THSD4: variants seen among roughly 807,000 people sequenced by gnomAD.
THSD4 encodes thrombospondin type-1 domain-containing protein 4.
In THSD4, 69 loss-of-function variants were observed where a neutral mutation model predicts 119.0. The observed-to-expected ratio is 0.58, with a 90% CI of 0.48 to 0.71. The LOEUF (loss-of-function observed/expected upper bound fraction) is 0.71. THSD4 is among the 30% of genes least tolerant of loss of function. The probability of loss-of-function intolerance (pLI) is 0.00; values close to 1 mark genes in which losing one functional copy is unlikely to be tolerated. For missense variants in THSD4, 1,393 were observed against 1,391.1 expected, an observed-to-expected ratio of 1.00 and a Z score of -0.02; for synonymous variants, 524 against 540.4, an observed-to-expected ratio of 0.97 and a Z score of 0.42.
At chr15:71,653,712 T>C (rs748485310) in intron 7 of THSD4, among the ~76,000 whole-genome samples, 1 of 152,248 alleles carries the variant, frequency 6.6e-6, no homozygotes, top group African/African-American at 2.4e-5. Flanking sequence ...TCATTTTGCA[T>C]AGTGGAGCTT....
At chr15:71,356,606 G>C (rs574597260) in intron 6 of THSD4, among the ~76,000 whole-genome samples, 3 of 152,108 alleles carry the variant, frequency 2.0e-5, no homozygotes, top group Admixed American at 6.5e-5. Flanking sequence ...GAAAGAGAAA[G>C]AGAGAGTGAA....
intron 7 of THSD4, among the ~76,000 whole-genome samples, chr15:71,529,974 T>C (rs567572177): frequency 6.6e-6 from 1 of 152,306 alleles, no homozygotes; most frequent in African/African-American, 2.4e-5. Flanking sequence ...GACTTGTAAA[T>C]TATCTGTGGC....
chr15:71,623,041 T>C (rs1281058556), intron 7 of THSD4, among the ~76,000 whole-genome samples: 1 of 151,804 alleles, frequency 6.6e-6, no homozygotes, highest in Non-Finnish European at 1.5e-5. Context: ...TTGATGGAGG[T>C]CTCGGTAATC....
At chr15:71,602,222 A>G (rs1214025464) in intron 7 of THSD4, among the ~76,000 whole-genome samples, 1 of 152,166 alleles carries the variant, frequency 6.6e-6, no homozygotes, top group Non-Finnish European at 1.5e-5. Context: ...AACTTATTAT[A>G]GTCCTCTTAG....
At position 71,141,841 on chromosome 15, in the gene THSD4, C is replaced by T. The variant is rs972980519; in HGVS notation, c.29+285C>T. ...TTTTTAGGCCGGATGCAGTGGCTTA[C>T]ACCTGTAATCCCAGCATTTTGGGAG... On this transcript the variant is annotated intron_variant, in intron 2 of 17. Coordinates refer to ENST00000261862, the MANE Select transcript of THSD4 (RefSeq NM_024817.3). Among the ~76,000 whole-genome samples, 5 of 152,272 alleles carry T rather than the reference C, an allele frequency of 3.3e-5. No individual in the cohort carries two copies. The East Asian group carries it at 9.7e-4, about 29-fold the overall frequency.
intron 7 of THSD4, among the ~76,000 whole-genome samples, chr15:71,489,376 T>C (rs2047875572): frequency 6.6e-6 from 1 of 152,190 alleles, no homozygotes; most frequent in Non-Finnish European, 1.5e-5. Flanking sequence ...GTATTTAAAA[T>C]GTTGTCTTAT....
At chr15:71,758,811 A>G (rs1023708201) in intron 15 of THSD4, among the ~76,000 whole-genome samples, 2 of 152,234 alleles carry the variant, frequency 1.3e-5, no homozygotes, top group Non-Finnish European at 2.9e-5. Context: ...ATTTCTTTTA[A>G]GTAGCATTAA....
chr15:71,649,178 T>G (rs986808042), intron 7 of THSD4, among the ~76,000 whole-genome samples: 4 of 152,180 alleles, frequency 2.6e-5, no homozygotes, highest in African/African-American at 9.7e-5. Context: ...TCTCCTAGTT[T>G]CTCCTCTCCC....
chr15:71,548,097 GTT>G (rs11397800), intron 7 of THSD4, among the ~76,000 whole-genome samples: 30 of 145,736 alleles, frequency 2.1e-4, no homozygotes, highest in African/African-American at 6.3e-4. Flanking sequence ...GTTGGGTACA[GTT>G]TTTTTTTTTT....
chr15:71,436,156 T>C lies in THSD4; in HGVS notation c.1152+24333T>C, dbSNP rs1288677488. ...AGTTTGTCTTAAATAGATGCGGGTC[T>C]GATGAGAACCATAAAACTCACCAGT... On this transcript the variant is annotated intron_variant, in intron 7 of 17. Coordinates refer to ENST00000261862, the MANE Select transcript of THSD4 (RefSeq NM_024817.3). Among the ~76,000 whole-genome samples, 4 of 152,148 alleles carry C rather than the reference T, an allele frequency of 2.6e-5. No homozygotes were observed. The East Asian group carries it at 7.7e-4, about 29-fold the overall frequency.
chr15:71,122,442 T>C (rs765529207), intron 1 of THSD4, among the ~76,000 whole-genome samples: 1 of 152,172 alleles, frequency 6.6e-6, no homozygotes, highest in Non-Finnish European at 1.5e-5. Context: ...GGAGGAACTC[T>C]CAGGCCAGTT....
At chr15:71,311,455 A>ATC (rs1483483910) in intron 6 of THSD4, among the ~76,000 whole-genome samples, 1 of 152,184 alleles carries the variant, frequency 6.6e-6, no homozygotes, top group Non-Finnish European at 1.5e-5. Flanking sequence ...CACCATTTGA[A>ATC]CAGCTTTTAG....
intron 6 of THSD4, chr15:71,341,765 C>G (rs1443457413): frequency 3.7e-6 from 3 of 813,276 alleles, no homozygotes; most frequent in African/African-American, 1.7e-5. Context: ...CCTTTTCTTC[C>G]TTTTTTCTCC....
At chr15:71,751,275 T>C (rs2053444094) in intron 14 of THSD4, among the ~76,000 whole-genome samples, 1 of 152,232 alleles carries the variant, frequency 6.6e-6, no homozygotes, top group Non-Finnish European at 1.5e-5. Context: ...TGGACTTTCA[T>C]TTTTATATTG....
intron 8 of THSD4, among the ~76,000 whole-genome samples, chr15:71,707,541 C>T (rs1468592641): frequency 6.6e-6 from 1 of 152,170 alleles, no homozygotes; most frequent in Non-Finnish European, 1.5e-5. Flanking sequence ...CCTCATTTAG[C>T]TCCAATCTCG....
At chr15:71,667,738 T>G (rs894690916) in intron 8 of THSD4, among the ~76,000 whole-genome samples, 1 of 152,208 alleles carries the variant, frequency 6.6e-6, no homozygotes, top group South Asian at 2.1e-4. Context: ...ATCCCTAATA[T>G]TTTTTGCATG....
At chr15:71,199,793 G>GTGTGTGTGC (rs1387116857) in intron 3 of THSD4, among the ~76,000 whole-genome samples, 2 of 149,746 alleles carry the variant, frequency 1.3e-5, no homozygotes, top group African/African-American at 5.0e-5. Flanking sequence ...GGTGTGTGCT[G>GTGTGTGTGC]TGTGTGTGCT....
intron 5 of THSD4, 58 bp from the exon 6 acceptor site, chr15:71,256,555 A>G (rs1250759110): frequency 3.5e-6 from 5 of 1,421,782 alleles, no homozygotes; most frequent in Non-Finnish European, 4.9e-6. Flanking sequence ...TTGGAAATGT[A>G]TCCTGGAGCT....
At chr15:71,330,304 T>G (rs1469178071) in intron 6 of THSD4, among the ~76,000 whole-genome samples, 1 of 152,116 alleles carries the variant, frequency 6.6e-6, no homozygotes, top group Non-Finnish European at 1.5e-5. Context: ...TCCCCACTCC[T>G]CAGAAATGGG....
Sources: gnomAD v4.1 joint callset for allele counts (sites outside exome capture counted in the v4.1 genomes callset) on GRCh38, gnomAD v4.1.1 for gene constraint, MANE v1.5 for transcripts, NCBI Gene and HGNC (gene_info 2026-07-23, HGNC 2026-07-21) for gene names.